The following AOX1 variants were observed in gnomAD, a reference collection of about 807,000 sequenced individuals.
AOX1 encodes the protein aldehyde oxidase 1.
In AOX1, 153 loss-of-function variants were observed where a neutral mutation model predicts 169.5. The observed-to-expected ratio is 0.90, with a 90% CI of 0.79 to 1.03. The LOEUF is 1.03. AOX1 is among the 50% of genes least tolerant of loss of function. The pLI is 0.00. For synonymous variants in AOX1, 562 were observed against 581.9 expected, an observed-to-expected ratio of 0.97 and a Z score of 0.49; for missense variants, 1,656 against 1,663.9, an observed-to-expected ratio of 1.00 and a Z score of 0.08.
intron 25 of AOX1, among the ~76,000 whole-genome samples, chr2:200,644,244 G>C (rs924218998): frequency 2.0e-5 from 3 of 152,164 alleles, no homozygotes; most frequent in African/African-American, 7.2e-5. Flanking sequence ...TTTTGTATAA[G>C]GTCAGAGATG....
chr2:200,595,304 G>A lies in AOX1; in HGVS notation c.136G>A (p.Gly46Arg). Residue 46 changes from glycine (G) to arginine (R), a missense_variant, in exon 3 of 35, where the codon GGA becomes AGA. By Grantham distance (125) the Gly-to-Arg change is moderately radical (BLOSUM62 -2). Coordinates refer to ENST00000374700, the MANE Select transcript of AOX1 (RefSeq NM_001159.4). ...RLTGTKYGCG[G>R]GGCGACTVMI... Reference sequence around the variant, plus strand: ...CACAGGAACTAAGTATGGCTGTGGAGGAGGAGGCTGTGGTGCTTGTACAGT... The same window carrying A: ...CACAGGAACTAAGTATGGCTGTGGAAGAGGAGGCTGTGGTGCTTGTACAGT... 6.2e-7 allele frequency: 1 copy of A among 1,613,168 alleles called. No individual in the cohort carries two copies.
In AOX1 at chr2:200,600,475, C is replaced by T. The variant is rs924191717; in HGVS notation, c.436+729C>T. Among the ~76,000 whole-genome samples the T allele has an allele frequency of 3.3e-5, 5 of 151,522 alleles. No homozygotes were observed. The South Asian group carries it at 6.3e-4, about 19-fold the overall frequency. ...GTTCAGGAGCTCAGTGTGTATGTGG[C>T]GGGGGGGGACATCCTCATCAACAAG... is the stretch of plus-strand genomic sequence containing the variant. On this transcript the variant is annotated intron_variant, in intron 5 of 34. Transcript: ENST00000374700.
At position 200,657,190 on chromosome 2, in the gene AOX1, A is replaced by ATTTTTTTTTTTTT. The variant is rs5837752; in HGVS notation, c.3171+256_3171+268dup. On this transcript the variant is annotated intron_variant, in intron 27 of 34. Coordinates refer to ENST00000374700, the MANE Select transcript of AOX1 (RefSeq NM_001159.4). ...AATATATATATATATATATATATAT[A>ATTTTTTTTTTTTT]TTTTTTTTTTTTTTTAATTAGCAGG... is the stretch of plus-strand genomic sequence containing the variant. Among the ~76,000 whole-genome samples the ATTTTTTTTTTTTT allele has an allele frequency of 1.4e-4, 9 of 62,868 alleles. 1 individual carries two copies. The highest frequency in any genetic ancestry group is 6.3e-4 in the African/African-American group (8 of 12,628). 41.2% of individuals were successfully genotyped at this position (62,868 alleles called of 152,430 possible). A position where few individuals can be genotyped will look rare whatever the true frequency, so the allele number is the denominator to read the frequency against.
downstream of AOX1, among the ~76,000 whole-genome samples, chr2:200,673,741 C>T (rs898135777): frequency 2.6e-5 from 4 of 152,290 alleles, no homozygotes; most frequent in Non-Finnish European, 4.4e-5. Flanking sequence ...GAACATGTCC[C>T]AAATCCCTAA....
chr2:200,609,164 T>C (rs762805592), intron 11 of AOX1, 29 bp downstream of exon 11: 5 of 1,611,624 alleles, frequency 3.1e-6, no homozygotes, highest in Non-Finnish European at 3.4e-6. Flanking sequence ...TAAACTCTGG[T>C]ATGCATCCCT....
At chr2:200,623,207 G>C (rs2105725380) in intron 18 of AOX1, among the ~76,000 whole-genome samples, 1 of 152,294 alleles carries the variant, frequency 6.6e-6, no homozygotes, top group African/African-American at 2.4e-5. Context: ...CCTTTCTCAA[G>C]TCTTAAGGTT....
chr2:200,617,074 A>C (rs1472323096), intron 16 of AOX1, among the ~76,000 whole-genome samples: 1 of 152,250 alleles, frequency 6.6e-6, no homozygotes, highest in Non-Finnish European at 1.5e-5. Context: ...CAATGGAATA[A>C]ACTTCAGAAA....
In AOX1 at chr2:200,615,667, G is replaced by A. The variant is rs375853668; in HGVS notation, c.1612-304G>A. Among the ~76,000 whole-genome samples, 13 of 152,258 alleles carry A rather than the reference G, an allele frequency of 8.5e-5. No individual in the cohort carries two copies. The East Asian group carries it at 2.3e-3, about 27-fold the overall frequency. ...ATCTTCTTGTTGGATCAGTTTGTAAGTCCTCATATCATTTAGGAGAGTATA... is the reference window on the plus strand; with the variant it reads ...ATCTTCTTGTTGGATCAGTTTGTAAATCCTCATATCATTTAGGAGAGTATA... On this transcript the variant is annotated intron_variant, in intron 15 of 34. Transcript: ENST00000374700.
Position 200,634,659 on chromosome 2 carries a change from T to C in AOX1, c.2222-132T>C, listed in dbSNP as rs149796822. On this transcript the variant is annotated intron_variant, in intron 20 of 34. Coordinates refer to ENST00000374700, the MANE Select transcript of AOX1 (RefSeq NM_001159.4). The stretch of plus-strand genomic sequence containing the variant: ...CAAGTAGACTGAAAGCTAAACATTG[T>C]TGTTTGTTATACTTCACTGTGCCCA... 6.4e-6 allele frequency: 7 copies of C among 1,101,642 alleles called. No homozygotes were observed. In the African/African-American group the frequency reaches 7.9e-5, roughly 12 times the overall value. 68.2% of individuals were successfully genotyped at this position (1,101,642 alleles called of 1,614,324 possible).
intron 19 of AOX1, among the ~76,000 whole-genome samples, chr2:200,624,264 G>A (rs1574931733): frequency 6.6e-6 from 1 of 152,200 alleles, no homozygotes; most frequent in African/African-American, 2.4e-5. Flanking sequence ...AGGAGTAAGA[G>A]GAACCCTATT....
intron 26 of AOX1, among the ~76,000 whole-genome samples, chr2:200,652,718 C>T (rs1179695178): frequency 1.3e-5 from 2 of 152,122 alleles, no homozygotes; most frequent in Non-Finnish European, 2.9e-5. Context: ...CTGGCCTCCA[C>T]CATAGACCAG....
Position 200,595,374 on chromosome 2 carries a change from G to T in AOX1, c.200+6G>T. On this transcript the variant is annotated splice_donor_region_variant and intron_variant, in intron 3 of 34. Transcript: ENST00000374700. The stretch of plus-strand genomic sequence containing the variant: ...CCCATCACCAAGAGGATAAGGTACC[G>T]TGCAGCAAAGTCCAGATATGGTTGA... The T allele has an allele frequency of 6.2e-7, 1 of 1,601,142 alleles. No homozygotes were observed.
intron 19 of AOX1, 33 bp from the exon 20 acceptor site, chr2:200,627,320 C>T (rs747954297): frequency 1.3e-6 from 2 of 1,522,810 alleles, no homozygotes; most frequent in Admixed American, 3.4e-5. Context: ...GGTCTCTTGC[C>T]CAAGCTGCCT....
At chr2:200,597,526 T>C (rs375034385) in intron 4 of AOX1, 21 bp downstream of exon 4, 17 of 1,553,208 alleles carry the variant, frequency 1.1e-5, no homozygotes, top group Non-Finnish European at 1.4e-5. Context: ...GCCTCTTCCT[T>C]ATAGGCTTTC....
chr2:200,609,233 A>AG, intron 11 of AOX1, 88 bp from the exon 12 acceptor site: 1 of 1,589,668 alleles, frequency 6.3e-7, no homozygotes, highest in East Asian at 2.3e-5. Context: ...GACAAAAAAA[A>AG]TAGTTCTCCA....
In AOX1 at chr2:200,623,983, G is replaced by C; in HGVS notation, c.2124G>C (p.Glu708Asp). 1 of 1,613,988 alleles carries C rather than the reference G, an allele frequency of 6.2e-7. No homozygotes were observed. The highest frequency in any genetic ancestry group is 8.5e-7 in the Non-Finnish European group (1 of 1,179,906). Residue 708 changes from glutamate to aspartate, a missense_variant and splice_region_variant, in exon 19 of 35, where the codon GAG (glutamate) becomes GAC (aspartate). Glu to Asp is a conservative substitution (Grantham distance 45, BLOSUM62 2). Transcript: ENST00000374700. The stretch of plus-strand genomic sequence containing the variant: ...TGGAGCCGCTGATACTAACAATTGA[G>C]GTAATGAGTTCTGTGGAATGGTGGT... ...QDLEPLILTI[E>D]ESIQHNSSFK...
chr2:200,590,316 C>G (rs1261747080), intron 1 of AOX1, among the ~76,000 whole-genome samples: 2 of 152,128 alleles, frequency 1.3e-5, no homozygotes, highest in African/African-American at 4.8e-5. Flanking sequence ...GGCAGTGATA[C>G]AGAGGGGCAG....
chr2:200,636,203 A>C (rs1483182281), intron 21 of AOX1, among the ~76,000 whole-genome samples: 1 of 130,530 alleles, frequency 7.7e-6, no homozygotes, highest in Non-Finnish European at 1.5e-5. Context: ...GTCTCAGCTC[A>C]CTGCAACCTC....
At chr2:200,630,023 T>C (rs1190233823) in intron 20 of AOX1, among the ~76,000 whole-genome samples, 1 of 151,994 alleles carries the variant, frequency 6.6e-6, no homozygotes, top group Non-Finnish European at 1.5e-5. Flanking sequence ...GGCAGGACAT[T>C]TGAGGCCAGG....
Sources: allele counts gnomAD v4.1 joint callset (sites outside exome capture counted in the v4.1 genomes callset), GRCh38; gene constraint gnomAD v4.1.1; transcripts MANE v1.5; gene names NCBI Gene and HGNC (gene_info 2026-07-23, HGNC 2026-07-21).